The following ADK variants were observed in gnomAD, a reference collection of about 807,000 sequenced individuals.
ADK encodes adenosine kinase, also known as N6,N6-dimethyladenosine kinase.
ADK carries 24 observed loss-of-function variants against 44.7 expected under a neutral mutation model. The ratio of observed to expected loss-of-function variants is 0.54; its 90% CI spans 0.39 to 0.76. ADK has a LOEUF of 0.76. Among genes scored for constraint, ADK ranks in the 30% least tolerant of loss-of-function variants. ADK has a pLI of 0.00. For missense variants in ADK, 321 were observed against 425.1 expected, an observed-to-expected ratio of 0.76 and a Z score of 2.15; for synonymous variants, 128 against 142.6, an observed-to-expected ratio of 0.90 and a Z score of 0.73.
chr10:74,425,223 C>T (rs1844749384), intron 6 of ADK, among the ~76,000 whole-genome samples: 1 of 152,134 alleles, frequency 6.6e-6, no homozygotes, highest in South Asian at 2.1e-4. Context: ...ACATGAGTTC[C>T]AGATCCATAA....
chr10:74,614,624 A>C (rs1229467858), intron 9 of ADK, among the ~76,000 whole-genome samples: 1 of 152,032 alleles, frequency 6.6e-6, no homozygotes, highest in African/African-American at 2.4e-5. Flanking sequence ...CTGTTTTTGA[A>C]ATGGAACCAC....
chr10:74,700,055 AAC>A (rs1224235888), intron 10 of ADK, among the ~76,000 whole-genome samples: 2 of 152,170 alleles, frequency 1.3e-5, no homozygotes, highest in Non-Finnish European at 2.9e-5. Flanking sequence ...CGCCCCTAAT[AAC>A]ACAAAAATAC....
At chr10:74,184,325 TTTA>T (rs1179887132) in intron 1 of ADK, among the ~76,000 whole-genome samples, 1 of 152,118 alleles carries the variant, frequency 6.6e-6, no homozygotes, top group African/African-American at 2.4e-5. Context: ...GACATTATTA[TTTA>T]TTATTATTTT....
At chr10:74,634,149 T>A (rs1388290105) in intron 9 of ADK, among the ~76,000 whole-genome samples, 1 of 152,118 alleles carries the variant, frequency 6.6e-6, no homozygotes, top group Non-Finnish European at 1.5e-5. Context: ...AAAAAAACAA[T>A]AATAATCCCC....
At chr10:74,373,291 A>T (rs1013354711) in intron 4 of ADK, among the ~76,000 whole-genome samples, 6 of 152,180 alleles carry the variant, frequency 3.9e-5, no homozygotes, top group African/African-American at 9.6e-5. Flanking sequence ...GGTCACCAAA[A>T]GCATGAGCAA....
At chr10:74,329,937 G>A (rs756449733) in intron 4 of ADK, among the ~76,000 whole-genome samples, 1 of 151,982 alleles carries the variant, frequency 6.6e-6, no homozygotes, top group Non-Finnish European at 1.5e-5. Flanking sequence ...CAAGGCCAGA[G>A]GATCAGTTGA....
intron 6 of ADK, among the ~76,000 whole-genome samples, chr10:74,467,135 T>G (rs531322339): frequency 6.6e-6 from 1 of 152,304 alleles, no homozygotes; most frequent in East Asian, 1.9e-4. Flanking sequence ...TTTTTTAAAA[T>G]TATTTCTTAT....
At chr10:74,653,587 TGA>T (rs1294486783) in intron 9 of ADK, among the ~76,000 whole-genome samples, 1 of 152,202 alleles carries the variant, frequency 6.6e-6, no homozygotes, top group Non-Finnish European at 1.5e-5. Flanking sequence ...TCAGTGTACT[TGA>T]GAGGTTTTGT....
At chr10:74,389,935 T>C (rs1239584530) in intron 4 of ADK, among the ~76,000 whole-genome samples, 1 of 152,144 alleles carries the variant, frequency 6.6e-6, no homozygotes, top group Non-Finnish European at 1.5e-5. Context: ...TTTGAACATG[T>C]AGACTCTCTG....
Position 74,453,505 on chromosome 10 carries a change from G to T in ADK, c.555+54926G>T, listed in dbSNP as rs183877021. 2.6e-5 allele frequency among the ~76,000 whole-genome samples: 4 copies of T among 152,162 alleles called. No individual in the cohort carries two copies. The East Asian group carries it at 7.7e-4, about 29-fold the overall frequency. On this transcript the variant is annotated intron_variant, in intron 6 of 10. Coordinates refer to ENST00000539909, the MANE Select transcript of ADK (RefSeq NM_006721.4). ...TGCAGTTCATTGATGTGAATTTGTTGATCTCCTGGGTAGGTTTTCACAAAT... is the reference window on the plus strand; with the variant it reads ...TGCAGTTCATTGATGTGAATTTGTTTATCTCCTGGGTAGGTTTTCACAAAT...
intron 7 of ADK, among the ~76,000 whole-genome samples, chr10:74,576,451 C>A (rs1851187396): frequency 1.3e-5 from 2 of 151,992 alleles, no homozygotes; most frequent in Non-Finnish European, 2.9e-5. Flanking sequence ...AAAATTAAAT[C>A]TCTGAAAGAA....
intron 6 of ADK, among the ~76,000 whole-genome samples, chr10:74,495,601 A>C (rs1847656771): frequency 6.6e-6 from 1 of 152,170 alleles, no homozygotes; most frequent in South Asian, 2.1e-4. Context: ...TTGGTATGTA[A>C]GTGTTCACAT....
intron 6 of ADK, among the ~76,000 whole-genome samples, chr10:74,522,991 T>A (rs1848898472): frequency 6.6e-6 from 1 of 152,212 alleles, no homozygotes. Context: ...AAAAAGCGTT[T>A]GTGCCTTTTC....
intron 4 of ADK, among the ~76,000 whole-genome samples, chr10:74,345,950 A>G (rs1428726402): frequency 6.6e-6 from 1 of 152,120 alleles, no homozygotes; most frequent in Admixed American, 6.6e-5. Flanking sequence ...GCTGAAGTGC[A>G]GTGGTGTGAT....
At chr10:74,692,531 G>T (rs1039533502) in intron 10 of ADK, among the ~76,000 whole-genome samples, 1 of 152,068 alleles carries the variant, frequency 6.6e-6, no homozygotes, top group Non-Finnish European at 1.5e-5. Context: ...GCCAAGAAAA[G>T]ACATGAGGGA....
In ADK at chr10:74,589,262, CTTTTTTT is replaced by C; in HGVS notation, c.727-14_727-8del. 7.8e-7 allele frequency: 1 copy of C among 1,287,098 alleles called. No individual in the cohort carries two copies. The highest frequency in any genetic ancestry group is 1.3e-5 in the South Asian group (1 of 76,606). The allele number at this position is 1,287,098 out of a possible 1,614,324, so 79.7% of individuals were successfully genotyped here. A position where few individuals can be genotyped will look rare whatever the true frequency, so the allele number is the denominator to read the frequency against. The stretch of plus-strand genomic sequence containing the variant: ...ACCGAGCACTTTATAATTAACTGTT[CTTTTTTT>C]TTTTTATTTCAGGAAGCTGCCACTT... On this transcript the variant is annotated splice_polypyrimidine_tract_variant and intron_variant, in intron 7 of 10. Transcript: ENST00000539909.
chr10:74,300,226 GTTTC>G (rs1839960858), intron 3 of ADK, among the ~76,000 whole-genome samples: 1 of 98,388 alleles, frequency 1.0e-5, no homozygotes, highest in South Asian at 2.9e-4. Context: ...GTTGTTGTTT[GTTTC>G]TTTCTTTCTC....
chr10:74,603,438 GT>G, intron 9 of ADK, among the ~76,000 whole-genome samples: 1 of 152,070 alleles, frequency 6.6e-6, no homozygotes, highest in Non-Finnish European at 1.5e-5. Flanking sequence ...GCCCTGGTGT[GT>G]GATGTTGCCC....
intron 6 of ADK, among the ~76,000 whole-genome samples, chr10:74,475,566 G>A (rs1019021343): frequency 9.2e-5 from 14 of 151,978 alleles, no homozygotes; most frequent in African/African-American, 3.4e-4. Flanking sequence ...AAATTAGCCA[G>A]GCATAGTGAC....
Sources: allele counts gnomAD v4.1 joint callset (sites outside exome capture counted in the v4.1 genomes callset), GRCh38; gene constraint gnomAD v4.1.1; transcripts MANE v1.5; gene names NCBI Gene and HGNC (gene_info 2026-07-23, HGNC 2026-07-21).